The following KIF13B variants were observed in gnomAD, a reference collection of about 807,000 sequenced individuals.
KIF13B encodes kinesin family member 13B.
A neutral mutation model predicts 222.0 loss-of-function variants in KIF13B; 127 were observed. The observed-to-expected ratio is 0.57, with a 90% CI of 0.50 to 0.66. The LOEUF (loss-of-function observed/expected upper bound fraction) is 0.66. KIF13B is among the 30% of genes least tolerant of loss of function. KIF13B has a pLI of 0.00. For missense variants in KIF13B, 2,173 were observed against 2,379.0 expected, an observed-to-expected ratio of 0.91 and a Z score of 1.80; for synonymous variants, 976 against 919.0, an observed-to-expected ratio of 1.06 and a Z score of -1.12.
intron 2 of KIF13B, among the ~76,000 whole-genome samples, chr8:29,223,176 A>C (rs1488783074): frequency 1.2e-4 from 18 of 150,052 alleles, no homozygotes; most frequent in East Asian, 3.9e-4. Flanking sequence ...AAAAAAAAAA[A>C]AACAAAAAAA....
chr8:29,191,165 C>T (rs937369687), intron 3 of KIF13B, 108 bp from the exon 4 acceptor site: 3 of 777,016 alleles, frequency 3.9e-6, no homozygotes, highest in Middle Eastern at 3.9e-4. Flanking sequence ...TACTGTCATA[C>T]AATGGGAATT....
At chr8:29,208,913 G>A (rs1038587437) in intron 2 of KIF13B, among the ~76,000 whole-genome samples, 3 of 152,102 alleles carry the variant, frequency 2.0e-5, no homozygotes, top group African/African-American at 4.8e-5. Context: ...AAAGTTTCAC[G>A]TGCCCCTGCC....
intron 6 of KIF13B, among the ~76,000 whole-genome samples, chr8:29,184,569 G>A (rs896190441): frequency 6.6e-6 from 1 of 152,152 alleles, no homozygotes; most frequent in Non-Finnish European, 1.5e-5. Flanking sequence ...CCTAGATCCT[G>A]AGCTATGCAA....
At chr8:29,244,165 C>T (rs944169450) in intron 2 of KIF13B, among the ~76,000 whole-genome samples, 1 of 152,160 alleles carries the variant, frequency 6.6e-6, no homozygotes, top group East Asian at 1.9e-4. Context: ...AGGCGCCCGC[C>T]ATCACGCCCG....
chr8:29,243,910 A>T (rs913908096), intron 2 of KIF13B, among the ~76,000 whole-genome samples: 1 of 152,196 alleles, frequency 6.6e-6, no homozygotes, highest in Non-Finnish European at 1.5e-5. Context: ...GTGGGAAAAA[A>T]CTTTTGTGAG....
chr8:29,217,140 A>G (rs1814520680), intron 2 of KIF13B, among the ~76,000 whole-genome samples: 1 of 152,146 alleles, frequency 6.6e-6, no homozygotes, highest in Admixed American at 6.5e-5. Context: ...TACTCAAGAG[A>G]AGGAAATGAG....
chr8:29,249,327 G>A (rs1049404108), intron 1 of KIF13B, among the ~76,000 whole-genome samples: 4 of 151,736 alleles, frequency 2.6e-5, no homozygotes, highest in East Asian at 1.9e-4. Flanking sequence ...CTACTCGAGA[G>A]GCTGAGGCAC....
At position 29,140,525 on chromosome 8, in the gene KIF13B, T is replaced by G. The variant is rs745655274; in HGVS notation, c.2427A>C (p.Ser809=). ...ATTGTAACTTCACATCATAGAAAAGTGACTCGAGGAAGACATTGGCCACCC... is the reference window on the plus strand; with the variant it reads ...ATTGTAACTTCACATCATAGAAAAGGGACTCGAGGAAGACATTGGCCACCC... ...LIGVANVFLE[S]LFYDVKLQYA... Residue 809 remains serine (S), a synonymous_variant, in exon 20 of 40, where the codon TCA becomes TCC. Transcript: ENST00000524189. 6.2e-7 allele frequency: 1 copy of G among 1,613,912 alleles called. No individual in the cohort carries two copies. The highest frequency in any genetic ancestry group is 8.5e-7 in the Non-Finnish European group (1 of 1,179,850).
In KIF13B at chr8:29,116,830, C is replaced by G; in HGVS notation, c.3837+1G>C. 1 of 1,165,012 alleles carries G rather than the reference C, an allele frequency of 8.6e-7. No homozygotes were observed. Among genetic ancestry groups the G allele is most frequent in the Non-Finnish European group, 1.2e-6 (1 of 814,378 alleles). The allele number at this position is 1,165,012 out of a possible 1,614,324, so 72.2% of individuals were successfully genotyped here. A position where few individuals can be genotyped will look rare whatever the true frequency, so the allele number is the denominator to read the frequency against. ...AGTCGTTTCTTCCACTGAAGACTAA[C>G]CTGGCGGCCGTGAACATTGACACAG... On this transcript the variant is annotated splice_donor_variant, in intron 31 of 39. Coordinates refer to ENST00000524189, the MANE Select transcript of KIF13B (RefSeq NM_015254.4). LOFTEE classifies it high-confidence loss of function.
intron 24 of KIF13B, among the ~76,000 whole-genome samples, chr8:29,127,508 A>G (rs1297314011): frequency 6.6e-6 from 1 of 152,246 alleles, no homozygotes; most frequent in East Asian, 1.9e-4. Context: ...AAGAAGTAAC[A>G]TTAAAAAATT....
At position 29,206,854 on chromosome 8, in the gene KIF13B, G is replaced by A. The variant is rs562024008; in HGVS notation, c.150-10655C>T. 3.3e-5 allele frequency among the ~76,000 whole-genome samples: 5 copies of A among 151,224 alleles called. No homozygotes were observed. In the East Asian group the frequency reaches 9.7e-4, roughly 29 times the overall value. On this transcript the variant is annotated intron_variant, in intron 2 of 39. Coordinates refer to ENST00000524189, the MANE Select transcript of KIF13B (RefSeq NM_015254.4). ...GAAGGTGGATGGGGTTTGCGGAAGTGGAAGTGGGGTGGAAATTTTAAACAT... is the reference window on the plus strand; with the variant it reads ...GAAGGTGGATGGGGTTTGCGGAAGTAGAAGTGGGGTGGAAATTTTAAACAT...
In KIF13B at chr8:29,132,297, C is replaced by T. The variant is rs1810379193; in HGVS notation, c.2942+11G>A. On this transcript the variant is annotated intron_variant, in intron 23 of 39. Coordinates refer to ENST00000524189, the MANE Select transcript of KIF13B (RefSeq NM_015254.4). ...TATATAAATGGAATCAGATGAACAT[C>T]TAATATTCACCTGTCCCGAAGACTA... 6.9e-7 allele frequency: 1 copy of T among 1,450,882 alleles called. No individual in the cohort carries two copies. The highest frequency in any genetic ancestry group is 1.5e-5 in the African/African-American group (1 of 68,322). 89.9% of individuals were successfully genotyped at this position (1,450,882 alleles called of 1,614,324 possible).
Position 29,245,739 on chromosome 8 carries a change from A to G in KIF13B, c.56-300T>C, listed in dbSNP as rs141287181. Among the ~76,000 whole-genome samples, 466 of 151,620 alleles carry G rather than the reference A, an allele frequency of 3.1e-3. 1 individual carries two copies. Among genetic ancestry groups the G allele is most frequent in the African/African-American group, 0.011 (450 of 41,174 alleles). On this transcript the variant is annotated intron_variant, in intron 1 of 39. Transcript: ENST00000524189. ...GAATTCTAGTCAGGGCAGTTAGGCAAGAAAAATAAACAACAGGCATCCAGA... is the reference window on the plus strand; with the variant it reads ...GAATTCTAGTCAGGGCAGTTAGGCAGGAAAAATAAACAACAGGCATCCAGA...
intron 38 of KIF13B, among the ~76,000 whole-genome samples, chr8:29,074,791 G>A (rs766533926): frequency 1.6e-4 from 25 of 152,244 alleles, no homozygotes; most frequent in Non-Finnish European, 3.5e-4. Flanking sequence ...ATTTTCCTAA[G>A]AAGATACAGC....
chr8:29,128,223 C>G (rs1223589090), intron 24 of KIF13B, among the ~76,000 whole-genome samples: 1 of 151,522 alleles, frequency 6.6e-6, no homozygotes, highest in Non-Finnish European at 1.5e-5. Flanking sequence ...TATATATTTA[C>G]AATGAAGTAA....
intron 33 of KIF13B, 140 bp from the exon 34 acceptor site, chr8:29,109,651 G>A (rs987954963): frequency 2.1e-5 from 16 of 773,232 alleles, no homozygotes; most frequent in African/African-American, 1.2e-4. Flanking sequence ...TGATTATTAC[G>A]TACTGCATGC....
At chr8:29,188,829 A>G (rs541163829) in intron 4 of KIF13B, among the ~76,000 whole-genome samples, 4 of 152,364 alleles carry the variant, frequency 2.6e-5, no homozygotes, top group Non-Finnish European at 5.9e-5. Flanking sequence ...TTGAATAAAT[A>G]AACACGACTA....
chr8:29,104,947 T>C (rs1274604694), intron 35 of KIF13B, among the ~76,000 whole-genome samples: 1 of 150,758 alleles, frequency 6.6e-6, no homozygotes, highest in Non-Finnish European at 1.5e-5. Context: ...GGTTTCACTG[T>C]GTTAGCCAGG....
chr8:29,133,641 C>T (rs191465744), intron 22 of KIF13B, among the ~76,000 whole-genome samples: 19 of 152,188 alleles, frequency 1.2e-4, no homozygotes, highest in South Asian at 8.3e-4. Context: ...AAGATAACTA[C>T]GGTGGAGGAT....
Sources: allele counts gnomAD v4.1 joint callset (sites outside exome capture counted in the v4.1 genomes callset), GRCh38; gene constraint gnomAD v4.1.1; transcripts MANE v1.5; gene names NCBI Gene and HGNC (gene_info 2026-07-23, HGNC 2026-07-21).